QTMAN: variants seen among roughly 807,000 people sequenced by gnomAD.
QTMAN encodes the protein queuosine-tRNA mannosyltransferase.
chr2:144,145,505 A>T, the QTMAN span: 1 of 1,192,932 alleles, frequency 8.4e-7, no homozygotes, highest in Non-Finnish European at 1.2e-6. Context: ...CTCCAGATTT[A>T]AAACGTAACC....
the QTMAN span, among the ~76,000 whole-genome samples, chr2:144,005,290 G>C: frequency 6.6e-6 from 1 of 151,976 alleles, no homozygotes; most frequent in Non-Finnish European, 1.5e-5. Flanking sequence ...TAATACTCCT[G>C]ACATATTGAA....
At chr2:144,231,866 G>A in the QTMAN span, among the ~76,000 whole-genome samples, 1 of 133,084 alleles carries the variant, frequency 7.5e-6, no homozygotes, top group African/African-American at 2.6e-5. Context: ...GTGTGTGTGT[G>A]TGTGTGTGTG....
the QTMAN span, among the ~76,000 whole-genome samples, chr2:144,147,733 C>T: frequency 2.0e-5 from 3 of 151,788 alleles, no homozygotes; most frequent in Admixed American, 6.6e-5. Context: ...AAAAAATATA[C>T]CTTTTATGAT....
At chr2:144,152,967 A>G in the QTMAN span, among the ~76,000 whole-genome samples, 1 of 152,224 alleles carries the variant, frequency 6.6e-6, no homozygotes, top group African/African-American at 2.4e-5. Flanking sequence ...GTGGAAGAAA[A>G]GAGAACTAAG....
chr2:143,968,048 G>T, the QTMAN span, among the ~76,000 whole-genome samples: 1 of 152,196 alleles, frequency 6.6e-6, no homozygotes. Flanking sequence ...AGCCTTTGTT[G>T]TAGAGACCAG....
chr2:144,102,805 G>A, the QTMAN span, among the ~76,000 whole-genome samples: 7 of 152,040 alleles, frequency 4.6e-5, no homozygotes, highest in Admixed American at 2.6e-4. Context: ...TGTTTCTTTC[G>A]AAAAACAAAA....
the QTMAN span, chr2:144,007,530 A>G: frequency 1.9e-6 from 3 of 1,554,420 alleles, no homozygotes; most frequent in Non-Finnish European, 2.6e-6. Flanking sequence ...GTGCTTGGGC[A>G]TGAATCTGTT....
chr2:144,112,637 GCAA>G, the QTMAN span, among the ~76,000 whole-genome samples: 1 of 152,184 alleles, frequency 6.6e-6, no homozygotes, highest in Non-Finnish European at 1.5e-5. Context: ...AACCCTTCCA[GCAA>G]AGGCCTAAGC....
chr2:144,212,645 C>A, the QTMAN span, among the ~76,000 whole-genome samples: 1 of 152,088 alleles, frequency 6.6e-6, no homozygotes, highest in Non-Finnish European at 1.5e-5. Flanking sequence ...GAGTAAATGG[C>A]CACTCCATGC....
chr2:144,296,517 C>A, the QTMAN span, among the ~76,000 whole-genome samples: 1 of 152,058 alleles, frequency 6.6e-6, no homozygotes, highest in African/African-American at 2.4e-5. Flanking sequence ...TATTAAAGTA[C>A]AAAAAATATT....
chr2:144,300,467 T>G, the QTMAN span, among the ~76,000 whole-genome samples: 1 of 152,204 alleles, frequency 6.6e-6, no homozygotes, highest in African/African-American at 2.4e-5. Context: ...ATTAAAATTG[T>G]GTACAGATGT....
At chr2:143,988,153 T>C in the QTMAN span, among the ~76,000 whole-genome samples, 3 of 152,156 alleles carry the variant, frequency 2.0e-5, no homozygotes, top group Non-Finnish European at 2.9e-5. Flanking sequence ...AAGCTTGCTG[T>C]TTTCTCAGGT....
At chr2:144,171,697 C>G in the QTMAN span, among the ~76,000 whole-genome samples, 2 of 152,064 alleles carry the variant, frequency 1.3e-5, no homozygotes, top group African/African-American at 2.4e-5. Context: ...GTAGAAACCA[C>G]AGACTCTCAA....
At chr2:144,209,591 A>C in the QTMAN span, among the ~76,000 whole-genome samples, 2 of 152,232 alleles carry the variant, frequency 1.3e-5, no homozygotes, top group Non-Finnish European at 2.9e-5. Flanking sequence ...TAATGGGGTT[A>C]CTAAAGACAT....
the QTMAN span, among the ~76,000 whole-genome samples, chr2:144,163,571 T>C: frequency 6.6e-6 from 1 of 152,326 alleles, no homozygotes; most frequent in Admixed American, 6.5e-5. Flanking sequence ...ACATAAGGAA[T>C]ATATGCTAAC....
At chr2:143,958,064 C>T in the QTMAN span, among the ~76,000 whole-genome samples, 2 of 152,002 alleles carry the variant, frequency 1.3e-5, no homozygotes, top group Non-Finnish European at 2.9e-5. Context: ...ATCTAATTTT[C>T]AAGGATAAGG....
At chr2:143,988,146 C>G in the QTMAN span, among the ~76,000 whole-genome samples, 4 of 152,164 alleles carry the variant, frequency 2.6e-5, no homozygotes, top group Non-Finnish European at 5.9e-5. Flanking sequence ...TAAAAGCAAG[C>G]TTGCTGTTTT....
the QTMAN span, among the ~76,000 whole-genome samples, chr2:144,171,621 G>A: frequency 4.6e-5 from 7 of 152,186 alleles, no homozygotes; most frequent in Non-Finnish European, 5.9e-5. Context: ...AACAGTACTG[G>A]ACATTTCAAT....
the QTMAN span, among the ~76,000 whole-genome samples, chr2:144,024,106 A>G: frequency 1.3e-5 from 2 of 152,274 alleles, no homozygotes. Flanking sequence ...TAAACTGCTG[A>G]AGGCCATTTA....
Sources: gnomAD v4.1 joint callset for allele counts (sites outside exome capture counted in the v4.1 genomes callset) on GRCh38, gnomAD v4.1.1 for gene constraint, MANE v1.5 for transcripts, NCBI Gene and HGNC (gene_info 2026-07-23, HGNC 2026-07-21) for gene names.